The following SYNE1 variants were observed in gnomAD, a reference collection of about 807,000 sequenced individuals.
The protein encoded by SYNE1 is nesprin-1.
In SYNE1, 616 loss-of-function variants were observed where a neutral mutation model predicts 1,111.0. The observed-to-expected ratio is 0.55, with a 90% CI of 0.52 to 0.59. SYNE1 has a LOEUF of 0.59. SYNE1 is among the 20% of genes least tolerant of loss of function. The probability of loss-of-function intolerance (pLI) is 0.00; values close to 1 mark genes in which losing one functional copy is unlikely to be tolerated. For synonymous variants in SYNE1, 3,855 were observed against 3,825.8 expected, an observed-to-expected ratio of 1.01 and a Z score of -0.28; for missense variants, 10,006 against 10,417.0, an observed-to-expected ratio of 0.96 and a Z score of 1.72.
rs1333047513 is a variant in SYNE1, at chr6:152,325,245, C to T, written c.15496G>A (p.Ala5166Thr). 6.2e-6 allele frequency: 10 copies of T among 1,614,142 alleles called. No homozygotes were observed. In the South Asian group the frequency reaches 1.1e-4, roughly 18 times the overall value. ...HEKIVALEEK[A>T]SQLEKTGNDA... ...TTTCCGGTTTTCTCCAGTTGTGAAG[C>T]TTTTTCCTCAAGGGCCACAATTTTC... The change falls in exon 81 of 146, where the codon GCT becomes ACT. Residue 5166 changes from alanine to threonine, a missense_variant. By Grantham distance (58) the Ala-to-Thr change is moderately conservative (BLOSUM62 0). Around this residue, in one of 7 missense-constraint regions of SYNE1, gnomAD observed 4,955 missense variants for 5,017.2 expected, o/e 0.99. Coordinates refer to ENST00000367255, the MANE Select transcript of SYNE1 (RefSeq NM_182961.4).
chr6:152,519,241 A>G (rs76969093), intron 6 of SYNE1, among the ~76,000 whole-genome samples: 3,406 of 152,318 alleles, frequency 0.022, 152 homozygotes, highest in African/African-American at 0.078. Flanking sequence ...TGAAATACTT[A>G]GCATTTAGAT....
intron 78 of SYNE1, among the ~76,000 whole-genome samples, chr6:152,328,385 TTTATTTATTTATTTA>T (rs1411520039): frequency 6.2e-5 from 2 of 32,304 alleles, no homozygotes; most frequent in African/African-American, 2.4e-4. Flanking sequence ...TTTTATTTTA[TTTATTTATTTATTTA>T]TTTATTTATT....
chr6:152,437,331 G>A (rs1384850294), intron 32 of SYNE1, among the ~76,000 whole-genome samples: 1 of 152,198 alleles, frequency 6.6e-6, no homozygotes. Context: ...AGGATCACTA[G>A]TTGTTTGACT....
At chr6:152,540,350 T>A (rs1418723020) in intron 3 of SYNE1, among the ~76,000 whole-genome samples, 1 of 152,216 alleles carries the variant, frequency 6.6e-6, no homozygotes, top group Non-Finnish European at 1.5e-5. Flanking sequence ...AAGTGCTGAA[T>A]TTTATGCTAA....
intron 62 of SYNE1, among the ~76,000 whole-genome samples, chr6:152,365,707 A>C (rs1006616089): frequency 6.6e-6 from 1 of 150,846 alleles, no homozygotes; most frequent in East Asian, 1.9e-4. Context: ...CAATCCTCCC[A>C]CTTCAGCCTC....
chr6:152,621,454 T>C (rs530401624), intron 3 of SYNE1, among the ~76,000 whole-genome samples: 7 of 152,178 alleles, frequency 4.6e-5, no homozygotes, highest in Non-Finnish European at 8.8e-5. Flanking sequence ...TGCCACACAC[T>C]ATATCAAAGG....
At chr6:152,316,805 A>G (rs769253278) in intron 87 of SYNE1, 44 bp downstream of exon 87, 1 of 1,611,868 alleles carries the variant, frequency 6.2e-7, no homozygotes, top group African/African-American at 1.3e-5. Flanking sequence ...GTTAAATCAA[A>G]TTGCCCTTGG....
In SYNE1 at chr6:152,367,224, C is replaced by T. The variant is rs1161179249; in HGVS notation, c.9966G>A (p.Lys3322=). The part of the protein sequence containing the change: ...DKSVLDSRTL[K]LEALLSVKQE... Reference sequence around the variant, plus strand: ...TCTGTGTAAAGATGCACACCTCGAGCTTGAGCGTCCTGCTGTCCAGCACAC... The same window carrying T: ...TCTGTGTAAAGATGCACACCTCGAGTTTGAGCGTCCTGCTGTCCAGCACAC... The change falls in exon 62 of 146, where the codon AAG becomes AAA. Residue 3322 remains lysine, a synonymous_variant. Transcript: ENST00000367255. 4 of 1,614,080 alleles carry T rather than the reference C, an allele frequency of 2.5e-6. No individual in the cohort carries two copies. Among genetic ancestry groups the T allele is most frequent in the Non-Finnish European group, 2.5e-6 (3 of 1,180,040 alleles).
intron 5 of SYNE1, 96 bp downstream of exon 5, chr6:152,525,984 T>C: frequency 8.9e-7 from 1 of 1,121,070 alleles, no homozygotes. Flanking sequence ...AACTTTCTTT[T>C]ACCTGGGCAG....
At chr6:152,568,952 AAG>A (rs2099429942) in intron 3 of SYNE1, among the ~76,000 whole-genome samples, 2 of 152,252 alleles carry the variant, frequency 1.3e-5, no homozygotes, top group South Asian at 2.1e-4. Context: ...AACAAAAAGA[AAG>A]AGATTTTGAG....
chr6:152,408,513 AC>A (rs1188314334), intron 44 of SYNE1, among the ~76,000 whole-genome samples: 1 of 152,176 alleles, frequency 6.6e-6, no homozygotes. Context: ...CAGAGTTATA[AC>A]TTGTTATGAC....
chr6:152,200,837 C>G (rs918235925), intron 127 of SYNE1, among the ~76,000 whole-genome samples: 4 of 152,212 alleles, frequency 2.6e-5, no homozygotes, highest in African/African-American at 9.7e-5. Flanking sequence ...TACCTTTTAA[C>G]TTTCCTAAAT....
chr6:152,369,759 G>A, intron 59 of SYNE1, 145 bp from the exon 60 acceptor site: 1 of 918,574 alleles, frequency 1.1e-6, no homozygotes, highest in South Asian at 1.4e-5. Flanking sequence ...GAGGTGAGCA[G>A]ATAGCTTGAG....
intron 104 of SYNE1, 38 bp downstream of exon 104, chr6:152,254,842 G>C (rs552554070): frequency 4.5e-6 from 7 of 1,570,856 alleles, no homozygotes; most frequent in Middle Eastern, 1.7e-4. Flanking sequence ...TGAATACCTA[G>C]AGAATGGTCA....
chr6:152,413,411 G>A lies in SYNE1; in HGVS notation c.6171C>T (p.Asp2057=). The part of the protein sequence containing the change: ...QKDVAFAPEV[D]REINRLEVTW... ...TGACCTCTAAGCGGTTTATCTCCCT[G>A]TCAACTTCAGGTGCAAAAGCTACAT... Residue 2057 remains aspartate (D), a synonymous_variant, in exon 42 of 146, where the codon GAC becomes GAT. Transcript: ENST00000367255. The A allele has an allele frequency of 1.2e-6, 2 of 1,614,102 alleles. No homozygotes were observed. The highest frequency in any genetic ancestry group is 1.7e-6 in the Non-Finnish European group (2 of 1,180,010).
chr6:152,280,054 A>G (rs2093936435), intron 97 of SYNE1, among the ~76,000 whole-genome samples: 1 of 152,200 alleles, frequency 6.6e-6, no homozygotes, highest in South Asian at 2.1e-4. Context: ...AACTGAAAAC[A>G]TAATTTTTAG....
intron 25 of SYNE1, 120 bp downstream of exon 25, chr6:152,453,466 G>A (rs1336184336): frequency 6.8e-7 from 1 of 1,475,376 alleles, no homozygotes; most frequent in Non-Finnish European, 9.4e-7. Context: ...TTTTAAATGA[G>A]CGAAATAGTT....
chr6:152,138,277 G>A (rs1433353018), intron 140 of SYNE1, among the ~76,000 whole-genome samples: 1 of 152,162 alleles, frequency 6.6e-6, no homozygotes, highest in Non-Finnish European at 1.5e-5. Context: ...TTGGGAGGCC[G>A]AGGCGGGCGG....
rs1210388470 is a variant in SYNE1 at position 152,502,706 on chromosome 6, A to G, written c.815T>C (p.Met272Thr). 1.9e-6 allele frequency: 3 copies of G among 1,613,894 alleles called. No individual in the cohort carries two copies. Among genetic ancestry groups the G allele is most frequent in the Non-Finnish European group, 2.5e-6 (3 of 1,179,840 alleles). ...DVDKPDEKSIMTYVAQFLKHY... is the reference protein window; with the variant it reads ...DVDKPDEKSITTYVAQFLKHY... Reference sequence around the variant, plus strand: ...TTTCAGAAACTGGGCTACATAGGTCATAATAGATTTCTCATCTGGTTTATC... The same window carrying G: ...TTTCAGAAACTGGGCTACATAGGTCGTAATAGATTTCTCATCTGGTTTATC... Residue 272 changes from methionine to threonine, a missense_variant, in exon 10 of 146, where the codon ATG (methionine) becomes ACG (threonine). Met to Thr is a moderately conservative substitution (Grantham distance 81). Coordinates refer to ENST00000367255, the MANE Select transcript of SYNE1 (RefSeq NM_182961.4).
Sources: gnomAD v4.1 joint callset for allele counts (sites outside exome capture counted in the v4.1 genomes callset) on GRCh38, gnomAD v4.1.1 for gene constraint, gnomAD v4.1.1 regional missense constraint, MANE v1.5 for transcripts, NCBI Gene and HGNC (gene_info 2026-07-23, HGNC 2026-07-21) for gene names.